The following PLBD1 variants were observed in gnomAD, a reference collection of about 807,000 sequenced individuals.
PLBD1 encodes phospholipase B domain containing 1, also known as lysosomal leucine aminopeptidase.
In PLBD1, 60 loss-of-function variants were observed where a neutral mutation model predicts 63.0. The observed-to-expected ratio is 0.95, with a 90% CI of 0.77 to 1.18. The LOEUF is 1.18. Ranked by LOEUF, PLBD1 falls within the 50% of genes most tolerant of loss-of-function variation. The probability of loss-of-function intolerance (pLI) is 0.00; values close to 1 mark genes in which losing one functional copy is unlikely to be tolerated. For synonymous variants in PLBD1, 262 were observed against 248.0 expected, an observed-to-expected ratio of 1.06 and a Z score of -0.53; for missense variants, 598 against 677.9, an observed-to-expected ratio of 0.88 and a Z score of 1.31.
intron 2 of PLBD1, among the ~76,000 whole-genome samples, chr12:14,543,617 T>C (rs7136722): frequency 0.92 from 140,415 of 152,060 alleles, 65,686 homozygotes; most frequent in Non-Finnish European, 0.99. Flanking sequence ...CCCAGCTACT[T>C]GGGAGGCTGA....
intron 4 of PLBD1, among the ~76,000 whole-genome samples, chr12:14,537,703 G>A (rs1014637219): frequency 1.3e-5 from 2 of 152,138 alleles, no homozygotes; most frequent in African/African-American, 2.4e-5. Context: ...TGGTTTTGGG[G>A]TAGAGGTGGT....
chr12:14,527,570 T>A (rs1010119907), intron 6 of PLBD1, among the ~76,000 whole-genome samples: 1 of 152,174 alleles, frequency 6.6e-6, no homozygotes, highest in Non-Finnish European at 1.5e-5. Context: ...AAACTTACGA[T>A]GCACTTTCCT....
intron 6 of PLBD1, among the ~76,000 whole-genome samples, chr12:14,534,876 C>G (rs1450297750): frequency 6.6e-6 from 1 of 152,194 alleles, no homozygotes; most frequent in Non-Finnish European, 1.5e-5. Context: ...ATTCATTTAC[C>G]TCACCTGCCT....
intron 1 of PLBD1, among the ~76,000 whole-genome samples, chr12:14,559,291 G>C (rs1435874266): frequency 6.6e-6 from 1 of 152,072 alleles, no homozygotes; most frequent in Non-Finnish European, 1.5e-5. Flanking sequence ...TCTAGTTTGT[G>C]TGTGTTCTCT....
intron 10 of PLBD1, among the ~76,000 whole-genome samples, chr12:14,505,651 A>G (rs1945248689): frequency 6.6e-6 from 1 of 152,248 alleles, no homozygotes; most frequent in African/African-American, 2.4e-5. Flanking sequence ...TACAGCACTT[A>G]TCAATTCTAA....
At chr12:14,510,852 T>C (rs1460947907) in intron 8 of PLBD1, among the ~76,000 whole-genome samples, 1 of 152,162 alleles carries the variant, frequency 6.6e-6, no homozygotes, top group African/African-American at 2.4e-5. Context: ...TGCAGCTGCT[T>C]TGAGTGCTTT....
Position 14,526,768 on chromosome 12 carries a change from T to C in PLBD1, c.844+8891A>G, listed in dbSNP as rs1207143775. 2.6e-5 allele frequency among the ~76,000 whole-genome samples: 4 copies of C among 152,038 alleles called. 1 individual carries two copies. The East Asian group carries it at 7.8e-4, about 29-fold the overall frequency. On this transcript the variant is annotated intron_variant, in intron 6 of 10. Transcript: ENST00000240617. ...CAGGCAGATCACCTGAGGTCACGAG[T>C]TGGAGACCAGCTTGACCAACATGAA...
At chr12:14,509,735 T>G (rs1945281996) in intron 8 of PLBD1, among the ~76,000 whole-genome samples, 1 of 152,228 alleles carries the variant, frequency 6.6e-6, no homozygotes, top group Admixed American at 6.5e-5. Flanking sequence ...CATCTGCCAG[T>G]TGATCTATTG....
In PLBD1 at chr12:14,531,159, T is replaced by C. The variant is rs898915881; in HGVS notation, c.844+4500A>G. 64 of 152,362 alleles carry C rather than the reference T, an allele frequency of 4.2e-4. 1 individual carries two copies. The highest frequency in any genetic ancestry group is 1.4e-3 in the African/African-American group (60 of 41,590). The allele number at this position is 152,362 out of a possible 1,614,324, so 9.4% of individuals were successfully genotyped here. A position where few individuals can be genotyped will look rare whatever the true frequency, so the allele number is the denominator to read the frequency against. ...GGATGATGGGCAGAGAAAGGCAATC[T>C]GTTTTGTCTATTGTCCAATCAGTGC... On this transcript the variant is annotated intron_variant, in intron 6 of 10. Coordinates refer to ENST00000240617, the MANE Select transcript of PLBD1 (RefSeq NM_024829.6).
chr12:14,503,990 C>G (rs1945227153), intron 10 of PLBD1, 36 bp from the exon 11 acceptor site: 1 of 1,552,790 alleles, frequency 6.4e-7, no homozygotes, highest in African/African-American at 1.4e-5. Context: ...TTTAGAAAAT[C>G]ATCGTTCAGC....
rs547624578 is a variant in PLBD1 at position 14,527,046 on chromosome 12, G to A, written c.844+8613C>T. Among the ~76,000 whole-genome samples the A allele has an allele frequency of 2.6e-5, 4 of 152,250 alleles. No individual in the cohort carries two copies. The East Asian group carries it at 7.7e-4, about 29-fold the overall frequency. On this transcript the variant is annotated intron_variant, in intron 6 of 10. Coordinates refer to ENST00000240617, the MANE Select transcript of PLBD1 (RefSeq NM_024829.6). ...ACTTACAGACTTAAGCTGCATTTAT[G>A]GGGAAGTGATGAGGTTTAGAACATA...
chr12:14,533,583 A>T (rs893072295), intron 6 of PLBD1, among the ~76,000 whole-genome samples: 1 of 152,226 alleles, frequency 6.6e-6, no homozygotes, highest in Non-Finnish European at 1.5e-5. Flanking sequence ...ATTTCAAAGC[A>T]GTGCACATAA....
intron 6 of PLBD1, among the ~76,000 whole-genome samples, chr12:14,519,573 C>T (rs1267602202): frequency 1.3e-5 from 2 of 149,320 alleles, no homozygotes; most frequent in East Asian, 2.0e-4. Flanking sequence ...GAGCTGAGAT[C>T]GCACCACTGC....
At chr12:14,531,453 T>C (rs1945461050) in intron 6 of PLBD1, among the ~76,000 whole-genome samples, 1 of 152,168 alleles carries the variant, frequency 6.6e-6, no homozygotes, top group Non-Finnish European at 1.5e-5. Context: ...AAAATCCTTA[T>C]TATGCTTTGT....
At chr12:14,524,116 A>G (rs1945398543) in intron 6 of PLBD1, among the ~76,000 whole-genome samples, 1 of 152,182 alleles carries the variant, frequency 6.6e-6, no homozygotes, top group Non-Finnish European at 1.5e-5. Context: ...CCGATCTCAT[A>G]CAAGTATAGA....
At chr12:14,552,656 G>A (rs1276851615) in intron 2 of PLBD1, among the ~76,000 whole-genome samples, 2 of 152,096 alleles carry the variant, frequency 1.3e-5, no homozygotes, top group Non-Finnish European at 1.5e-5. Context: ...ATTCCAACAC[G>A]TTGGGAGGCA....
chr12:14,559,968 C>T (rs1294567311), intron 1 of PLBD1, among the ~76,000 whole-genome samples: 2 of 151,882 alleles, frequency 1.3e-5, no homozygotes, highest in Non-Finnish European at 2.9e-5. Context: ...TCAAGCGATT[C>T]TCCTGCCTCA....
At position 14,511,651 on chromosome 12, in the gene PLBD1, G is replaced by A. The variant is rs776645512; in HGVS notation, c.905C>T (p.Thr302Ile). The A allele has an allele frequency of 1.2e-6, 2 of 1,614,158 alleles. No homozygotes were observed. The highest frequency in any genetic ancestry group is 2.7e-5 in the African/African-American group (2 of 75,032). Reference protein sequence around the residue: ...ILSSGLILLQTTNSVFNKTLL... With the variant: ...ILSSGLILLQITNSVFNKTLL... Reference sequence around the variant, plus strand: ...GGTTTTATTAAACACACTGTTTGTGGTCTGCAGCAATATCAATCCACTGCT... The same window carrying A: ...GGTTTTATTAAACACACTGTTTGTGATCTGCAGCAATATCAATCCACTGCT... Residue 302 changes from threonine (T) to isoleucine (I), a missense_variant, in exon 7 of 11, where the codon ACC becomes ATC. Transcript: ENST00000240617.
chr12:14,537,736 T>C (rs1945531507), intron 4 of PLBD1, among the ~76,000 whole-genome samples: 2 of 152,168 alleles, frequency 1.3e-5, no homozygotes, highest in Non-Finnish European at 2.9e-5. Context: ...ACAAATGACA[T>C]TTTAACCAAA....
Sources: allele counts gnomAD v4.1 joint callset (sites outside exome capture counted in the v4.1 genomes callset), GRCh38; gene constraint gnomAD v4.1.1; transcripts MANE v1.5; gene names NCBI Gene and HGNC (gene_info 2026-07-23, HGNC 2026-07-21).